SULF1: variants seen among roughly 807,000 people sequenced by gnomAD.
The protein encoded by SULF1 is extracellular sulfatase Sulf-1.
Under a neutral mutation model 110.5 loss-of-function variants are expected in SULF1, and 46 were observed. The ratio of observed to expected loss-of-function variants is 0.42; its 90% CI spans 0.33 to 0.53. The LOEUF is 0.53. Among genes scored for constraint, SULF1 ranks in the 20% least tolerant of loss-of-function variants. The probability of loss-of-function intolerance (pLI) is 0.12; values close to 1 mark genes in which losing one functional copy is unlikely to be tolerated. For synonymous variants in SULF1, 371 were observed against 387.1 expected, an observed-to-expected ratio of 0.96 and a Z score of 0.49; for missense variants, 941 against 1,094.2, an observed-to-expected ratio of 0.86 and a Z score of 1.98.
In SULF1 at chr8:69,604,874, G is replaced by A. The variant is rs1034336118; in HGVS notation, c.1319G>A (p.Arg440Gln). 7 of 1,614,158 alleles carry A rather than the reference G, an allele frequency of 4.3e-6. No individual in the cohort carries two copies. Among genetic ancestry groups the A allele is most frequent in the East Asian group, 4.5e-5 (2 of 44,888 alleles). ...QQSNHLPKYE[R>Q]VKELCQQARY... ...TCAAATCACTTGCCCAAATATGAAC[G>A]GGTCAAAGAACTATGCCAGCAGGCC... Residue 440 changes from arginine (R) to glutamine (Q), a missense_variant, in exon 13 of 23, where the codon CGG (arginine) becomes CAG (glutamine). Around this residue, in one of 3 missense-constraint regions of SULF1, gnomAD observed 822 missense variants for 934.3 expected, o/e 0.88. Transcript: ENST00000402687.
chr8:69,548,262 T>C lies in SULF1; in HGVS notation c.-133-15277T>C, dbSNP rs6981390. ...GCACGTTAGAAGACAAGTGTAAACA[T>C]GCCAATGATAACTAGAAATGATCAC... On this transcript the variant is annotated intron_variant, in intron 3 of 22. Coordinates refer to ENST00000402687, the MANE Select transcript of SULF1 (RefSeq NM_001128205.2). Among the ~76,000 whole-genome samples the C allele has an allele frequency of 9.7e-3, 1,471 of 152,238 alleles. 26 individuals carry two copies. Among genetic ancestry groups the C allele is most frequent in the African/African-American group, 0.034 (1,410 of 41,542 alleles).
At chr8:69,609,968 G>T (rs1030771715) in intron 13 of SULF1, among the ~76,000 whole-genome samples, 3 of 152,124 alleles carry the variant, frequency 2.0e-5, no homozygotes, top group African/African-American at 7.2e-5. Flanking sequence ...AGGTATTGAC[G>T]TCTTAAATAG....
intron 22 of SULF1, among the ~76,000 whole-genome samples, chr8:69,656,311 G>T (rs1228379511): frequency 2.0e-5 from 3 of 152,146 alleles, no homozygotes; most frequent in Non-Finnish European, 4.4e-5. Context: ...TGTTGTCGTT[G>T]TTGTTTATTT....
chr8:69,650,379 C>A (rs764307126), intron 22 of SULF1, among the ~76,000 whole-genome samples: 2 of 152,062 alleles, frequency 1.3e-5, no homozygotes, highest in African/African-American at 4.8e-5. Context: ...CACCTGTAAT[C>A]CCAGCACTTT....
intron 3 of SULF1, among the ~76,000 whole-genome samples, chr8:69,536,512 C>T (rs988054656): frequency 1.3e-5 from 2 of 152,162 alleles, no homozygotes; most frequent in Admixed American, 6.5e-5. Flanking sequence ...TGTTTATTAA[C>T]ATCTTTGATT....
intron 5 of SULF1, among the ~76,000 whole-genome samples, chr8:69,569,391 C>T (rs576590155): frequency 1.8e-4 from 27 of 152,164 alleles, no homozygotes; most frequent in African/African-American, 5.8e-4. Context: ...CAGATTCTGA[C>T]GTTTCTTGAA....
chr8:69,627,537 CTG>C (rs759341923), intron 16 of SULF1, among the ~76,000 whole-genome samples: 120 of 152,284 alleles, frequency 7.9e-4, no homozygotes, highest in Non-Finnish European at 2.4e-4. Flanking sequence ...TTTGAAATCT[CTG>C]TGAGAAAATG....
At chr8:69,655,120 A>G (rs1407579771) in intron 22 of SULF1, among the ~76,000 whole-genome samples, 2 of 152,208 alleles carry the variant, frequency 1.3e-5, no homozygotes, top group Non-Finnish European at 2.9e-5. Flanking sequence ...ACCCTGATCT[A>G]TCCCGTCGGG....
intron 8 of SULF1, among the ~76,000 whole-genome samples, chr8:69,598,580 C>T (rs940590655): frequency 1.3e-5 from 2 of 152,020 alleles, no homozygotes; most frequent in African/African-American, 2.4e-5. Context: ...TTAGTAGAGA[C>T]GGGGTTTCCC....
upstream of SULF1, among the ~76,000 whole-genome samples, chr8:69,488,831 G>A (rs143660862): frequency 1.3e-5 from 2 of 151,990 alleles, no homozygotes; most frequent in Non-Finnish European, 2.9e-5. Context: ...GGGTTGCACC[G>A]GGAACAGAGT....
chr8:69,622,507 C>T (rs1809694083), intron 14 of SULF1, among the ~76,000 whole-genome samples: 1 of 151,938 alleles, frequency 6.6e-6, no homozygotes, highest in Non-Finnish European at 1.5e-5. Flanking sequence ...ATTGCTTGAA[C>T]CTGAGATGCA....
At chr8:69,551,113 G>A (rs904600662) in intron 3 of SULF1, among the ~76,000 whole-genome samples, 1 of 152,222 alleles carries the variant, frequency 6.6e-6, no homozygotes, top group African/African-American at 2.4e-5. Flanking sequence ...CACAGGGGGC[G>A]ATTGGCAGAT....
At chr8:69,645,695 G>A (rs1811850593) in intron 22 of SULF1, among the ~76,000 whole-genome samples, 1 of 152,092 alleles carries the variant, frequency 6.6e-6, no homozygotes, top group Admixed American at 6.5e-5. Flanking sequence ...AAGGAAGTCA[G>A]TCCAACCAGA....
intron 3 of SULF1, among the ~76,000 whole-genome samples, chr8:69,541,071 C>T (rs1237114762): frequency 6.6e-6 from 1 of 151,998 alleles, no homozygotes; most frequent in African/African-American, 2.4e-5. Context: ...ACAAGCAGAA[C>T]ATAAGTGTGG....
In SULF1 at chr8:69,625,711, G is replaced by A. The variant is rs1049377417; in HGVS notation, c.1851-1499G>A. Among the ~76,000 whole-genome samples the A allele has an allele frequency of 6.6e-5, 10 of 152,288 alleles. No homozygotes were observed. In the East Asian group the frequency reaches 1.2e-3, roughly 18 times the overall value. ...GAGTGTTACAGCTCATAAAAGCGGC[G>A]TGGACCCAAAGAGTGAGCAGTAGCA... is the stretch of plus-strand genomic sequence containing the variant. On this transcript the variant is annotated intron_variant, in intron 15 of 22. Transcript: ENST00000402687.
At chr8:69,595,089 T>C (rs1807201827) in intron 8 of SULF1, among the ~76,000 whole-genome samples, 1 of 152,208 alleles carries the variant, frequency 6.6e-6, no homozygotes, top group Non-Finnish European at 1.5e-5. Flanking sequence ...TATCAAGATA[T>C]TTAAACAGTC....
intron 5 of SULF1, 62 bp downstream of exon 5, chr8:69,564,209 G>T: frequency 4.4e-6 from 7 of 1,581,776 alleles, no homozygotes; most frequent in Non-Finnish European, 6.1e-6. Flanking sequence ...CGAGTCTCAG[G>T]ATTATCAGGA....
At chr8:69,520,781 G>A (rs907891473) in intron 3 of SULF1, among the ~76,000 whole-genome samples, 1 of 152,116 alleles carries the variant, frequency 6.6e-6, no homozygotes, top group Non-Finnish European at 1.5e-5. Context: ...GTTTCCATTT[G>A]AAATGATTTA....
At chr8:69,481,292 AGT>A (rs919841450) in intron 1 of SULF1, among the ~76,000 whole-genome samples, 2 of 152,192 alleles carry the variant, frequency 1.3e-5, no homozygotes, top group Non-Finnish European at 2.9e-5. Flanking sequence ...TTCTTATGAA[AGT>A]GTGAATTCTG....
Sources: gnomAD v4.1 joint callset for allele counts (sites outside exome capture counted in the v4.1 genomes callset) on GRCh38, gnomAD v4.1.1 for gene constraint, gnomAD v4.1.1 regional missense constraint, MANE v1.5 for transcripts, NCBI Gene and HGNC (gene_info 2026-07-23, HGNC 2026-07-21) for gene names.